COL11A1: variants seen among roughly 807,000 people sequenced by gnomAD.
COL11A1 encodes the protein collagen type XI alpha 1 chain, also known as collagen alpha-1(XI) chain.
COL11A1 carries 74 observed loss-of-function variants against 265.2 expected under a neutral mutation model. The observed-to-expected ratio is 0.28, with a 90% confidence interval of 0.23 to 0.34. The LOEUF is 0.34. COL11A1 is among the 10% of genes least tolerant of loss of function. COL11A1 has a pLI of 1.00. For synonymous variants in COL11A1, 816 were observed against 727.6 expected, an observed-to-expected ratio of 1.12 and a Z score of -1.96; for missense variants, 2,165 against 2,263.6, an observed-to-expected ratio of 0.96 and a Z score of 0.88.
intron 4 of COL11A1, among the ~76,000 whole-genome samples, chr1:103,065,541 A>G (rs1382739605): frequency 1.4e-4 from 17 of 121,590 alleles, no homozygotes; most frequent in African/African-American, 5.8e-4. Context: ...AAAAAAAAAA[A>G]AAAAAAGAAA....
intron 4 of COL11A1, among the ~76,000 whole-genome samples, chr1:103,046,521 A>C (rs1367444410): frequency 6.6e-6 from 1 of 151,370 alleles, no homozygotes; most frequent in African/African-American, 2.4e-5. Context: ...TGTCAGATGA[A>C]TAGGTTGCAA....
intron 4 of COL11A1, among the ~76,000 whole-genome samples, chr1:103,060,373 A>G (rs1474696206): frequency 1.3e-5 from 2 of 152,148 alleles, no homozygotes; most frequent in East Asian, 3.8e-4. Flanking sequence ...CAGAAATAAT[A>G]AAAATTATAT....
chr1:102,908,735 T>C lies in COL11A1; in HGVS notation c.4086+3424A>G, dbSNP rs1439062262. On this transcript the variant is annotated intron_variant, in intron 54 of 66. Transcript: ENST00000370096. ...TCAATGAGACCATTGCCTATATATC[T>C]ATATAAAAAAATCAAGTATAACTTT... Among the ~76,000 whole-genome samples the C allele has an allele frequency of 2.6e-5, 4 of 152,086 alleles. No individual in the cohort carries two copies. The East Asian group carries it at 7.7e-4, about 29-fold the overall frequency.
In COL11A1 at chr1:103,012,400, T is replaced by G; in HGVS notation, c.1629+13A>C. The G allele has an allele frequency of 6.2e-7, 1 of 1,609,918 alleles. No individual in the cohort carries two copies. The highest frequency in any genetic ancestry group is 8.5e-7 in the Non-Finnish European group (1 of 1,176,372). The stretch of plus-strand genomic sequence containing the variant: ...AAATTTTAACATATATTATCTTTGT[T>G]GGGGTAACCTACCACAGGACCTGGT... On this transcript the variant is annotated intron_variant, in intron 14 of 66. Transcript: ENST00000370096.
At chr1:102,904,151 G>C (rs1570680210) in intron 54 of COL11A1, among the ~76,000 whole-genome samples, 1 of 152,108 alleles carries the variant, frequency 6.6e-6, no homozygotes, top group East Asian at 1.9e-4. Context: ...ATTAAATTTT[G>C]TATAAGGTGT....
rs758284077 is a variant in COL11A1, at chr1:103,026,219, C to G, written c.894G>C (p.Thr298=). The G allele has an allele frequency of 1.9e-6, 3 of 1,606,584 alleles. No homozygotes were observed. The highest frequency in any genetic ancestry group is 2.6e-6 in the Non-Finnish European group (3 of 1,173,228). The change falls in exon 6 of 67, where the codon ACG becomes ACC. Residue 298 remains threonine (T), a synonymous_variant. Transcript: ENST00000370096. ...ACAGGCACTGCTTTGTTTTTACCTC[C>G]GTCTGTGCTATTGTCTCCTCAGTTA... is the stretch of plus-strand genomic sequence containing the variant. ...PTVTEETIAQ[T]EANIVDDFQE...
chr1:103,027,889 A>G (rs193113206), intron 5 of COL11A1, among the ~76,000 whole-genome samples: 24 of 152,224 alleles, frequency 1.6e-4, no homozygotes, highest in Admixed American at 3.9e-4. Context: ...TTATCTTCTA[A>G]CTTTCATAAT....
intron 38 of COL11A1, among the ~76,000 whole-genome samples, chr1:102,965,047 C>A: frequency 6.6e-6 from 1 of 152,084 alleles, no homozygotes; most frequent in South Asian, 2.1e-4. Context: ...TTAAGAAACA[C>A]CTAATATGTT....
intron 7 of COL11A1, among the ~76,000 whole-genome samples, chr1:103,023,352 C>T (rs1003655237): frequency 4.0e-5 from 6 of 150,246 alleles, no homozygotes; most frequent in Non-Finnish European, 8.9e-5. Context: ...TAAAGCTTTG[C>T]TTAATGTTTT....
intron 24 of COL11A1, chr1:103,001,299 A>G: frequency 7.6e-6 from 3 of 396,650 alleles, no homozygotes; most frequent in Non-Finnish European, 1.3e-5. Flanking sequence ...GTTTTTTTTA[A>G]TTAATATGTT....
chr1:103,025,465 A>T, intron 7 of COL11A1, 56 bp downstream of exon 7: 1 of 1,203,260 alleles, frequency 8.3e-7, no homozygotes, highest in Non-Finnish European at 1.2e-6. Flanking sequence ...GTATATCAAA[A>T]TAAATTACAT....
At chr1:102,920,160 T>C (rs1269164220) in intron 49 of COL11A1, 151 bp downstream of exon 49, 1 of 778,052 alleles carries the variant, frequency 1.3e-6, no homozygotes, top group Non-Finnish European at 2.3e-6. Flanking sequence ...CATTTTAACT[T>C]TAATTTTTGC....
chr1:103,068,839 A>T (rs1671351600), intron 4 of COL11A1, among the ~76,000 whole-genome samples: 2 of 151,414 alleles, frequency 1.3e-5, no homozygotes, highest in African/African-American at 4.8e-5. Context: ...CACTAAAAAA[A>T]AATACTTAGG....
chr1:103,052,552 C>G (rs574635536), intron 4 of COL11A1, among the ~76,000 whole-genome samples: 1 of 152,192 alleles, frequency 6.6e-6, no homozygotes. Flanking sequence ...TTATGTAACA[C>G]AAGTCTTTTA....
chr1:102,913,757 GAA>G lies in COL11A1; in HGVS notation c.3979-69_3979-68del. On this transcript the variant is annotated intron_variant, in intron 52 of 66. Coordinates refer to ENST00000370096, the MANE Select transcript of COL11A1 (RefSeq NM_001854.4). ...ATCAATAAATCACACTACTTATCAG[GAA>G]AAAAGTATGTTAGGCCATCTCTTGA... is the stretch of plus-strand genomic sequence containing the variant. 3 of 1,402,636 alleles carry G rather than the reference GAA, an allele frequency of 2.1e-6. No individual in the cohort carries two copies. The South Asian group carries it at 3.5e-5, about 16-fold the overall frequency. The allele number at this position is 1,402,636 out of a possible 1,614,324, so 86.9% of individuals were successfully genotyped here. A position where few individuals can be genotyped will look rare whatever the true frequency, so the allele number is the denominator to read the frequency against.
intron 37 of COL11A1, among the ~76,000 whole-genome samples, 187 bp from the exon 38 acceptor site, chr1:102,965,727 G>A (rs1661342471): frequency 6.6e-6 from 1 of 152,064 alleles, no homozygotes; most frequent in South Asian, 2.1e-4. Context: ...TTCAAAACTT[G>A]CCATTTCAAT....
chr1:102,912,585 T>C (rs1654817281), intron 53 of COL11A1, among the ~76,000 whole-genome samples: 1 of 152,204 alleles, frequency 6.6e-6, no homozygotes, highest in Admixed American at 6.5e-5. Context: ...ATACTATTAC[T>C]TTTAAATTTA....
At chr1:103,054,569 GT>G (rs1420680090) in intron 4 of COL11A1, among the ~76,000 whole-genome samples, 1 of 151,784 alleles carries the variant, frequency 6.6e-6, no homozygotes, top group African/African-American at 2.4e-5. Context: ...AAAAAAGGGT[GT>G]TTTGTTGTTG....
chr1:102,993,620 C>T (rs1470054202), intron 28 of COL11A1, among the ~76,000 whole-genome samples: 1 of 152,100 alleles, frequency 6.6e-6, no homozygotes, highest in Non-Finnish European at 1.5e-5. Context: ...TTATTGCAGC[C>T]TTGACCTCCT....
Sources: allele counts gnomAD v4.1 joint callset (sites outside exome capture counted in the v4.1 genomes callset), GRCh38; gene constraint gnomAD v4.1.1; transcripts MANE v1.5; gene names NCBI Gene and HGNC (gene_info 2026-07-23, HGNC 2026-07-21).